Variants in ACOT12 observed in about 807,000 individuals in gnomAD.
ACOT12 encodes the protein acetyl-coenzyme A thioesterase.
ACOT12 carries 51 observed loss-of-function variants against 67.7 expected under a neutral mutation model. The ratio of observed to expected loss-of-function variants is 0.75; its 90% confidence interval spans 0.60 to 0.95. ACOT12 has a LOEUF of 0.95. Ranked by LOEUF, ACOT12 falls within the 40% of genes least tolerant of loss-of-function variation. ACOT12 has a pLI of 0.00. For missense variants in ACOT12, 734 were observed against 708.1 expected (o/e 1.04, Z -0.41); for synonymous variants, 251 against 244.6 (o/e 1.03, Z -0.24).
At chr5:81,354,791 C>T (rs540763486) in intron 5 of ACOT12, among the ~76,000 whole-genome samples, 27 of 152,110 alleles carry the variant, frequency 1.8e-4, no homozygotes, top group Non-Finnish European at 3.7e-4. Flanking sequence ...GTAAACTCCG[C>T]CTCTTGGGTT....
chr5:81,347,933 G>A lies in ACOT12; in HGVS notation c.497-3C>T. ...TTCCTCTTCATCAAAAATGAGATCT[G>A]AAAGGTGGATGTAAACATTAATGAT... is the stretch of plus-strand genomic sequence containing the variant. On this transcript the variant is annotated splice_polypyrimidine_tract_variant and splice_region_variant and intron_variant, in intron 5 of 14. Transcript: ENST00000307624. 1 of 1,612,862 alleles carries A rather than the reference G, an allele frequency of 6.2e-7. No individual in the cohort carries two copies. Among genetic ancestry groups the A allele is most frequent in the South Asian group, 1.1e-5 (1 of 90,708 alleles).
At chr5:81,373,125 C>T (rs1760304471) in intron 2 of ACOT12, among the ~76,000 whole-genome samples, 1 of 152,160 alleles carries the variant, frequency 6.6e-6, no homozygotes, top group South Asian at 2.1e-4. Context: ...GAGATCGATG[C>T]AGAAGGGGGG....
rs752614137 is a variant in ACOT12, at chr5:81,347,757, A to T, written c.653+17T>A. Reference sequence around the variant, plus strand: ...CACTGGTCCCAAAATCATAGGCCGAAGGTCAAAACCAAGAACCTTGCAGAA... The same window carrying T: ...CACTGGTCCCAAAATCATAGGCCGATGGTCAAAACCAAGAACCTTGCAGAA... On this transcript the variant is annotated intron_variant, in intron 6 of 14. Coordinates refer to ENST00000307624, the MANE Select transcript of ACOT12 (RefSeq NM_130767.3). 6 of 1,611,504 alleles carry T rather than the reference A, an allele frequency of 3.7e-6. No individual in the cohort carries two copies. The highest frequency in any genetic ancestry group is 1.7e-5 in the Admixed American group (1 of 59,784).
intron 12 of ACOT12, among the ~76,000 whole-genome samples, chr5:81,334,442 T>G (rs912289357): frequency 6.6e-6 from 1 of 152,208 alleles, no homozygotes; most frequent in Non-Finnish European, 1.5e-5. Flanking sequence ...AGCGTCTGCA[T>G]GATCCCTCTA....
the ACOT12 span, among the ~76,000 whole-genome samples, chr5:81,311,017 A>G: frequency 1.3e-5 from 2 of 152,188 alleles, no homozygotes; most frequent in Non-Finnish European, 2.9e-5. Context: ...GGTGGGTACA[A>G]TTTAGTGCTC....
chr5:81,358,648 G>A (rs1419618207), intron 5 of ACOT12, among the ~76,000 whole-genome samples: 1 of 152,120 alleles, frequency 6.6e-6, no homozygotes. Context: ...TTGGGAGTTC[G>A]AGACCAGCCT....
intron 3 of ACOT12, among the ~76,000 whole-genome samples, chr5:81,369,882 G>A (rs756921188): frequency 6.6e-6 from 1 of 152,208 alleles, no homozygotes. Context: ...TTGAATAAAC[G>A]CTCCAGAAAC....
the ACOT12 span, among the ~76,000 whole-genome samples, chr5:81,318,975 C>G: frequency 6.6e-6 from 1 of 151,552 alleles, no homozygotes. Context: ...GGCTATTAGG[C>G]TGCTATTTTT....
chr5:81,348,050 A>G, intron 5 of ACOT12, 120 bp from the exon 6 acceptor site: 1 of 1,152,412 alleles, frequency 8.7e-7, no homozygotes, highest in Non-Finnish European at 1.2e-6. Context: ...GTGTTCTCAA[A>G]GCCTTAAGAC....
the ACOT12 span, among the ~76,000 whole-genome samples, chr5:81,317,699 A>C: frequency 6.6e-6 from 1 of 152,086 alleles, no homozygotes; most frequent in African/African-American, 2.4e-5. Context: ...ATTTTATAAG[A>C]ACTCTGTCAC....
Position 81,345,900 on chromosome 5 carries a change from T to C in ACOT12, c.758A>G (p.Asn253Ser). 2 of 1,613,940 alleles carry C rather than the reference T, an allele frequency of 1.2e-6. No homozygotes were observed. The highest frequency in any genetic ancestry group is 1.7e-6 in the Non-Finnish European group (2 of 1,179,888). Reference sequence around the variant, plus strand: ...CTCACTTTACCAGGTCTGAAATGTATTGTTGACAATGGCAGTGAAGACAAG... The same window carrying C: ...CTCACTTTACCAGGTCTGAAATGTACTGTTGACAATGGCAGTGAAGACAAG... ...DRLVFTAIVN[N>S]TFQTCVEVGV... Residue 253 changes from asparagine (N) to serine (S), a missense_variant, in exon 7 of 15, where the codon AAT (asparagine) becomes AGT (serine). Transcript: ENST00000307624.
Position 81,394,058 on chromosome 5 carries a change from G to A in ACOT12, c.57C>T (p.His19=). The A allele has an allele frequency of 6.8e-7, 1 of 1,474,648 alleles. No individual in the cohort carries two copies. The allele number at this position is 1,474,648 out of a possible 1,614,324, so 91.3% of individuals were successfully genotyped here. Residue 19 remains histidine (H), a synonymous_variant, in exon 1 of 15, where the codon CAC becomes CAT. Coordinates refer to ENST00000307624, the MANE Select transcript of ACOT12 (RefSeq NM_130767.3). ...VVMSQAIQPA[H]ATARGELSAG... ...CGCTCAGCTCGCCGCGCGCAGTGGCGTGCGCCGGCTGGATGGCTTGGCTCA... is the reference window on the plus strand; with the variant it reads ...CGCTCAGCTCGCCGCGCGCAGTGGCATGCGCCGGCTGGATGGCTTGGCTCA...
chr5:81,319,689 C>T, the ACOT12 span, among the ~76,000 whole-genome samples: 1 of 151,658 alleles, frequency 6.6e-6, no homozygotes, highest in African/African-American at 2.4e-5. Context: ...TGCACTCCAG[C>T]CTGGGCAACA....
the ACOT12 span, among the ~76,000 whole-genome samples, chr5:81,320,674 A>G: frequency 6.6e-6 from 1 of 152,180 alleles, no homozygotes; most frequent in Non-Finnish European, 1.5e-5. Flanking sequence ...TCACAAAAAC[A>G]CACAAGAAAA....
intron 9 of ACOT12, 109 bp downstream of exon 9, chr5:81,344,051 G>T: frequency 1.5e-6 from 2 of 1,331,930 alleles, no homozygotes; most frequent in South Asian, 1.3e-5. Flanking sequence ...GGAAACATCA[G>T]ACCTTCTCTT....
chr5:81,340,510 T>C (rs1759160118), intron 11 of ACOT12, among the ~76,000 whole-genome samples: 1 of 152,028 alleles, frequency 6.6e-6, no homozygotes, highest in Non-Finnish European at 1.5e-5. Flanking sequence ...TACAGGCGCC[T>C]GCCACTGCCC....
intron 9 of ACOT12, 93 bp downstream of exon 9, chr5:81,344,064 TCCG>T: frequency 7.2e-7 from 1 of 1,386,876 alleles, no homozygotes; most frequent in Admixed American, 2.1e-5. Flanking sequence ...CTTCTCTTTT[TCCG>T]TTACGTGGGA....
At chr5:81,352,715 AT>A (rs980217909) in intron 5 of ACOT12, among the ~76,000 whole-genome samples, 18 of 152,166 alleles carry the variant, frequency 1.2e-4, no homozygotes, top group Non-Finnish European at 2.4e-4. Context: ...GTCAATAATA[AT>A]TTAATTATAT....
At chr5:81,363,361 A>C (rs1759977130) in intron 4 of ACOT12, among the ~76,000 whole-genome samples, 1 of 152,202 alleles carries the variant, frequency 6.6e-6, no homozygotes, top group South Asian at 2.1e-4. Flanking sequence ...GTTTTCCTTC[A>C]GGTATTAACA....
Sources: gnomAD v4.1 joint callset for allele counts (sites outside exome capture counted in the v4.1 genomes callset) on GRCh38, gnomAD v4.1.1 for gene constraint, MANE v1.5 for transcripts, NCBI Gene and HGNC (gene_info 2026-07-23, HGNC 2026-07-21) for gene names.